TMEM218: variants seen among roughly 807,000 people sequenced by gnomAD.
The protein encoded by TMEM218 is transmembrane protein 218.
TMEM218 carries 8 observed loss-of-function variants against 10.0 expected under a neutral mutation model. That is an observed-to-expected ratio of 0.80 (90% confidence interval 0.47 to 1.44). The LOEUF is 1.44. Ranked by LOEUF, TMEM218 falls within the 40% of genes most tolerant of loss-of-function variation. TMEM218 has a pLI of 0.00. For synonymous variants in TMEM218, 66 were observed against 63.5 expected (o/e 1.04, Z -0.18); for missense variants, 110 against 140.1 (o/e 0.79, Z 1.08).
At chr11:125,100,051 AGT>A (rs1160429022) in intron 4 of TMEM218, among the ~76,000 whole-genome samples, 1 of 152,164 alleles carries the variant, frequency 6.6e-6, no homozygotes, top group African/African-American at 2.4e-5. Context: ...TAATTCCTTA[AGT>A]GTGTGTGGTA....
rs1383232867 is a variant in TMEM218, at chr11:125,097,263, C to CT, written c.*342dup. 1 of 177,282 alleles carries CT rather than the reference C, an allele frequency of 5.6e-6. No individual in the cohort carries two copies. The highest frequency in any genetic ancestry group is 1.5e-4 in the East Asian group (1 of 6,828). The allele number at this position is 177,282 out of a possible 1,614,324, so 11.0% of individuals were successfully genotyped here. ...TCAAAAAGAACCAGAAGCCCAGGTG[C>CT]TTTTTTCCCCAAAATCCACTTACTA... On this transcript the variant is annotated 3_prime_UTR_variant, in exon 5 of 5. Transcript: ENST00000682305.
At chr11:125,098,228 G>A (rs1488515998) in intron 4 of TMEM218, among the ~76,000 whole-genome samples, 1 of 152,162 alleles carries the variant, frequency 6.6e-6, no homozygotes, top group Non-Finnish European at 1.5e-5. Context: ...AAAATGAAAG[G>A]TGACTCTTTA....
intron 4 of TMEM218, 119 bp from the exon 5 acceptor site, chr11:125,097,859 C>A: frequency 1.1e-6 from 1 of 941,692 alleles, no homozygotes; most frequent in South Asian, 1.7e-5. Flanking sequence ...CCAGTAACAT[C>A]CTGCCCTGAG....
Position 125,107,582 on chromosome 11 carries a change from T to C in TMEM218, c.-153+3957A>G, listed in dbSNP as rs184790393. ...TAAAAGATTATTTATGATAAAGATA[T>C]ATGCATACACACGTAGCACATTACA... On this transcript the variant is annotated intron_variant, in intron 1 of 4. Transcript: ENST00000682305. Among the ~76,000 whole-genome samples, 6 of 152,184 alleles carry C rather than the reference T, an allele frequency of 3.9e-5. No individual in the cohort carries two copies. In the East Asian group the frequency reaches 1.2e-3, roughly 29 times the overall value.
At chr11:125,102,483 T>G in intron 2 of TMEM218, 166 bp from the exon 3 acceptor site, 2 of 1,457,874 alleles carry the variant, frequency 1.4e-6, no homozygotes, top group Admixed American at 2.7e-5. Context: ...CCCAAAGCCT[T>G]TCTCTTTGGT....
chr11:125,102,652 AG>A, intron 2 of TMEM218, 81 bp downstream of exon 2: 1 of 1,294,728 alleles, frequency 7.7e-7, no homozygotes, highest in Non-Finnish European at 1.0e-6. Flanking sequence ...AACTGGTAGA[AG>A]ACACCAGGGC....
At chr11:125,111,298 G>A (rs746800771) in intron 1 of TMEM218, among the ~76,000 whole-genome samples, 28 of 152,190 alleles carry the variant, frequency 1.8e-4, no homozygotes, top group Non-Finnish European at 3.5e-4. Flanking sequence ...AGGGATTAAG[G>A]TCTCGGTCAT....
Position 125,095,366 on chromosome 11 carries a change from T to C in TMEM218, c.*2240A>G, listed in dbSNP as rs1949511114. 6.6e-6 allele frequency among the ~76,000 whole-genome samples: 1 copy of C among 152,162 alleles called. No homozygotes were observed. Among genetic ancestry groups the C allele is most frequent in the Admixed American group, 6.5e-5 (1 of 15,290 alleles). On this transcript the variant is annotated 3_prime_UTR_variant, in exon 5 of 5. Coordinates refer to ENST00000682305, the MANE Select transcript of TMEM218 (RefSeq NM_001258244.2). ...TTTAAGGAATGACCTCTGAGCCCTG[T>C]CTCCAAGAAGGCCATGAGCATACAG...
chr11:125,102,714 T>C lies in TMEM218; in HGVS notation c.-77+20A>G. The C allele has an allele frequency of 2.3e-6, 3 of 1,290,034 alleles. No homozygotes were observed. Among genetic ancestry groups the C allele is most frequent in the Non-Finnish European group, 3.0e-6 (3 of 989,278 alleles). 79.9% of individuals were successfully genotyped at this position (1,290,034 alleles called of 1,614,324 possible). A position where few individuals can be genotyped will look rare whatever the true frequency, so the allele number is the denominator to read the frequency against. ...AGTTGAAGCTCTCAGGTTAAATCCA[T>C]GGTGTGAGCTGTGACTCACCAGGCA... On this transcript the variant is annotated intron_variant, in intron 2 of 4. Transcript: ENST00000682305.
At chr11:125,109,984 T>G (rs1953360368) in intron 1 of TMEM218, among the ~76,000 whole-genome samples, 1 of 152,210 alleles carries the variant, frequency 6.6e-6, no homozygotes, top group Admixed American at 6.5e-5. Flanking sequence ...AAGATAAATA[T>G]TCCCAAGCTC....
rs1431475735 is a variant in TMEM218, at chr11:125,108,999, A to T, written c.-153+2540T>A. ...GGCAGCAACATCTTCTTGGGGAACC[A>T]CTGTTCTAGACACAGTCTTGCATAA... On this transcript the variant is annotated intron_variant, in intron 1 of 4. Coordinates refer to ENST00000682305, the MANE Select transcript of TMEM218 (RefSeq NM_001258244.2). This position sits in a 1 kb window ranked among gnomAD's most constrained non-coding sequence, Gnocchi z 5.3. Among the ~76,000 whole-genome samples, 1 of 152,220 alleles carries T rather than the reference A, an allele frequency of 6.6e-6. No homozygotes were observed. Among genetic ancestry groups the T allele is most frequent in the African/African-American group, 2.4e-5 (1 of 41,450 alleles).
Position 125,097,509 on chromosome 11 carries a change from T to C in TMEM218, c.*97A>G. On this transcript the variant is annotated 3_prime_UTR_variant, in exon 5 of 5. Coordinates refer to ENST00000682305, the MANE Select transcript of TMEM218 (RefSeq NM_001258244.2). ...CAGATACTCCTCTAACCTTAAGGCA[T>C]GAGGGCTGTCAAAACAAGGCTCTGA... The C allele has an allele frequency of 7.3e-7, 1 of 1,370,454 alleles. No individual in the cohort carries two copies. The highest frequency in any genetic ancestry group is 1.0e-6 in the Non-Finnish European group (1 of 993,848). 84.9% of individuals were successfully genotyped at this position (1,370,454 alleles called of 1,614,324 possible). A position where few individuals can be genotyped will look rare whatever the true frequency, so the allele number is the denominator to read the frequency against.
At chr11:125,101,163 T>A (rs1187335229) in intron 4 of TMEM218, 38 bp downstream of exon 4, 1 of 1,557,376 alleles carries the variant, frequency 6.4e-7, no homozygotes, top group Admixed American at 1.7e-5. Flanking sequence ...GAAATAAGAA[T>A]CACAGCTCAG....
At chr11:125,098,334 AGC>A (rs1950009600) in intron 4 of TMEM218, among the ~76,000 whole-genome samples, 4 of 152,178 alleles carry the variant, frequency 2.6e-5, no homozygotes, top group Non-Finnish European at 5.9e-5. Flanking sequence ...CTTGCCCCAA[AGC>A]AGACAGTGGG....
chr11:125,102,627 A>G (rs1364415250), intron 2 of TMEM218, 107 bp downstream of exon 2: 1 of 1,299,726 alleles, frequency 7.7e-7, no homozygotes, highest in African/African-American at 1.5e-5. Flanking sequence ...CTCTGAATAT[A>G]AAACCCTACC....
chr11:125,107,797 G>GTATATATATATA (rs1389771222), intron 1 of TMEM218, among the ~76,000 whole-genome samples: 75 of 147,418 alleles, frequency 5.1e-4, no homozygotes, highest in Middle Eastern at 3.5e-3. Flanking sequence ...GTGGATATGT[G>GTATATATATATA]TGTATATATA....
intron 4 of TMEM218, among the ~76,000 whole-genome samples, chr11:125,099,662 G>A (rs962777055): frequency 2.6e-5 from 4 of 152,174 alleles, no homozygotes; most frequent in East Asian, 1.9e-4. Flanking sequence ...GGTGGCTCAC[G>A]TCTGTAATCC....
rs1321193835 is a variant in TMEM218, at chr11:125,096,796, T to A, written c.*810A>T. The A allele has an allele frequency of 6.6e-6, 1 of 152,052 alleles. No homozygotes were observed. The highest frequency in any genetic ancestry group is 1.9e-4 in the East Asian group (1 of 5,188). 9.4% of individuals were successfully genotyped at this position (152,052 alleles called of 1,614,324 possible). On this transcript the variant is annotated 3_prime_UTR_variant, in exon 5 of 5. Transcript: ENST00000682305. ...ATCTGATGTTGAGAATATACCTTCCTCACTAGCTTTGGAGAAAGGGCTACA... is the reference window on the plus strand; with the variant it reads ...ATCTGATGTTGAGAATATACCTTCCACACTAGCTTTGGAGAAAGGGCTACA...
chr11:125,110,405 G>C (rs1199739427), intron 1 of TMEM218: 1 of 152,168 alleles, frequency 6.6e-6, no homozygotes, highest in Non-Finnish European at 1.5e-5. Flanking sequence ...TTCCTTCTGT[G>C]CTCAATGCTG....
Sources: gnomAD v4.1 joint callset for allele counts (sites outside exome capture counted in the v4.1 genomes callset) on GRCh38, gnomAD v4.1.1 for gene constraint, Gnocchi (gnomAD v3.1) non-coding constraint, MANE v1.5 for transcripts, NCBI Gene and HGNC (gene_info 2026-07-23, HGNC 2026-07-21) for gene names.